HMGN2: variants seen among roughly 807,000 people sequenced by gnomAD.
The protein encoded by HMGN2 is non-histone chromosomal protein HMG-17.
A neutral mutation model predicts 16.9 loss-of-function variants in HMGN2; 2 were observed. The observed-to-expected ratio is 0.12, with a 90% CI of 0.05 to 0.37. HMGN2 has a LOEUF of 0.37. Among genes scored for constraint, HMGN2 ranks in the 10% least tolerant of loss-of-function variants. HMGN2 has a pLI of 1.00. For synonymous variants in HMGN2, 31 were observed against 34.9 expected (o/e 0.89, Z 0.39); for missense variants, 90 against 106.0 (o/e 0.85, Z 0.66).
chr1:26,474,166 C>T (rs747311352), intron 4 of HMGN2, 31 bp downstream of exon 4: 3 of 1,533,822 alleles, frequency 2.0e-6, no homozygotes, highest in Non-Finnish European at 1.8e-6. Context: ...TGATCATTTT[C>T]ACAGAATGAG....
chr1:26,474,812 G>A (rs1392656323), intron 5 of HMGN2, 145 bp downstream of exon 5: 1 of 634,472 alleles, frequency 1.6e-6, no homozygotes, highest in Non-Finnish European at 2.8e-6. Context: ...TTAAATCCTG[G>A]ATTCTTGAAA....
At chr1:26,473,651 T>A (rs1570378457) in intron 2 of HMGN2, 52 bp from the exon 3 acceptor site, 1 of 1,604,704 alleles carries the variant, frequency 6.2e-7, no homozygotes, top group Non-Finnish European at 8.5e-7. Context: ...GATACCAAAC[T>A]TTCAAAGCGA....
In HMGN2 at chr1:26,475,473, AAAAC is replaced by A; in HGVS notation, c.*329_*332del. 2 of 278,850 alleles carry A rather than the reference AAAAC, an allele frequency of 7.2e-6. No individual in the cohort carries two copies. Among genetic ancestry groups the A allele is most frequent in the South Asian group, 9.1e-5 (2 of 21,870 alleles). The allele number at this position is 278,850 out of a possible 1,614,324, so 17.3% of individuals were successfully genotyped here. ...TGGCACAAAAGCCTTGTGGTATAGA[AAAAC>A]AAATTTGTTTTTATGTCCTCTTCTC... On this transcript the variant is annotated 3_prime_UTR_variant, in exon 6 of 6. Transcript: ENST00000361427.
Position 26,473,538 on chromosome 1 carries a change from C to T in HMGN2, c.60+11C>T, listed in dbSNP as rs376064868. 6.2e-6 allele frequency: 10 copies of T among 1,609,084 alleles called. No homozygotes were observed. The highest frequency in any genetic ancestry group is 8.5e-6 in the Non-Finnish European group (10 of 1,175,524). On this transcript the variant is annotated intron_variant, in intron 2 of 5. Coordinates refer to ENST00000361427, the MANE Select transcript of HMGN2 (RefSeq NM_005517.4). Reference sequence around the variant, plus strand: ...AAGGTGAAGGACGAAGTAAGTCATTCTCTCTTCAAGGGTCAAAGCCTTGGA... The same window carrying T: ...AAGGTGAAGGACGAAGTAAGTCATTTTCTCTTCAAGGGTCAAAGCCTTGGA...
Position 26,473,749 on chromosome 1 carries a change from G to T in HMGN2, c.90+17G>T. ...TTGTCTGCTGTAAGTGTATGCTTTT[G>T]AATTTTCGTGCTTGTCCCTGAAACT... On this transcript the variant is annotated intron_variant, in intron 3 of 5. Transcript: ENST00000361427. 6.2e-7 allele frequency: 1 copy of T among 1,612,792 alleles called. No homozygotes were observed. Among genetic ancestry groups the T allele is most frequent in the Non-Finnish European group, 8.5e-7 (1 of 1,179,030 alleles).
chr1:26,475,556 G>A lies in HMGN2; in HGVS notation c.*408G>A, dbSNP rs1297021040. 7 of 304,506 alleles carry A rather than the reference G, an allele frequency of 2.3e-5. No individual in the cohort carries two copies. The highest frequency in any genetic ancestry group is 1.9e-4 in the South Asian group (7 of 36,972). The allele number at this position is 304,506 out of a possible 1,614,324, so 18.9% of individuals were successfully genotyped here. A position where few individuals can be genotyped will look rare whatever the true frequency, so the allele number is the denominator to read the frequency against. On this transcript the variant is annotated 3_prime_UTR_variant, in exon 6 of 6. Transcript: ENST00000361427. ...TCCCTTAAGCCCAGACATCTGTTGA[G>A]ACCTGACCCCTAGTCATTGGTTACC...
At position 26,476,440 on chromosome 1, in the gene HMGN2, G is replaced by A. The variant is rs1369983013; in HGVS notation, c.*1292G>A. 6.6e-6 allele frequency among the ~76,000 whole-genome samples: 1 copy of A among 152,170 alleles called. No individual in the cohort carries two copies. Among genetic ancestry groups the A allele is most frequent in the Non-Finnish European group, 1.5e-5 (1 of 68,030 alleles). On this transcript the variant is annotated 3_prime_UTR_variant, in exon 6 of 6. Coordinates refer to ENST00000361427, the MANE Select transcript of HMGN2 (RefSeq NM_005517.4). Reference sequence around the variant, plus strand: ...AAGGTAGATGACACTTTGCTCCTAAGTAGACCTGCAAACAAAGACAATGGG... The same window carrying A: ...AAGGTAGATGACACTTTGCTCCTAAATAGACCTGCAAACAAAGACAATGGG...
chr1:26,476,002 G>T lies in HMGN2; in HGVS notation c.*854G>T. 2 of 293,268 alleles carry T rather than the reference G, an allele frequency of 6.8e-6. No individual in the cohort carries two copies. The highest frequency in any genetic ancestry group is 5.9e-5 in the South Asian group (2 of 33,776). 18.2% of individuals were successfully genotyped at this position (293,268 alleles called of 1,614,324 possible). ...GCCTCTGATCTTTTCCCACAAGTGG[G>T]GTAACCTGGTTTATCCAAGTCTCTT... On this transcript the variant is annotated 3_prime_UTR_variant, in exon 6 of 6. Coordinates refer to ENST00000361427, the MANE Select transcript of HMGN2 (RefSeq NM_005517.4).
rs373314466 is a variant in HMGN2, at chr1:26,475,494, C to T, written c.*346C>T. 1.7e-3 allele frequency: 434 copies of T among 248,098 alleles called. 1 individual carries two copies. The highest frequency in any genetic ancestry group is 9.1e-3 in the African/African-American group (395 of 43,582). 15.4% of individuals were successfully genotyped at this position (248,098 alleles called of 1,614,324 possible). Reference sequence around the variant, plus strand: ...TAGAAAAACAAATTTGTTTTTATGTCCTCTTCTCCCTTTCCATCGTTCAGC... The same window carrying T: ...TAGAAAAACAAATTTGTTTTTATGTTCTCTTCTCCCTTTCCATCGTTCAGC... On this transcript the variant is annotated 3_prime_UTR_variant, in exon 6 of 6. Transcript: ENST00000361427.
At position 26,473,062 on chromosome 1, in the gene HMGN2, G is replaced by A. The variant is rs1242707998; in HGVS notation, c.16-421G>A. 3.7e-5 allele frequency: 9 copies of A among 243,696 alleles called. No homozygotes were observed. The East Asian group carries it at 8.6e-4, about 23-fold the overall frequency. The allele number at this position is 243,696 out of a possible 1,614,324, so 15.1% of individuals were successfully genotyped here. On this transcript the variant is annotated intron_variant, in intron 1 of 5. Transcript: ENST00000361427. ...GTGAGGGGCGGGGCTTGTGCGGTAT[G>A]GCCCCGCCCCCTCGCCCACGTTCCC...
At chr1:26,472,692 G>C (rs987515730) in intron 1 of HMGN2, 65 bp downstream of exon 1, 10 of 1,419,464 alleles carry the variant, frequency 7.0e-6, no homozygotes, top group Middle Eastern at 2.4e-4. Context: ...CCGCCTCCCT[G>C]GTGCAGGGAG....
intron 1 of HMGN2, among the ~76,000 whole-genome samples, 165 bp downstream of exon 1, chr1:26,472,792 C>T (rs888146498): frequency 6.6e-6 from 1 of 151,466 alleles, no homozygotes; most frequent in Admixed American, 6.6e-5. Context: ...CCCTGAGCGG[C>T]TCGGCTGCCC....
chr1:26,475,086 T>C (rs746077206), intron 5 of HMGN2, 27 bp from the exon 6 acceptor site: 6 of 1,594,094 alleles, frequency 3.8e-6, no homozygotes, highest in Non-Finnish European at 5.2e-6. Flanking sequence ...ATCTACGCAT[T>C]GCATTAATTT....
rs2075610195 is a variant in HMGN2, at chr1:26,476,575, G to A, written c.*1427G>A. 1.3e-5 allele frequency among the ~76,000 whole-genome samples: 2 copies of A among 152,188 alleles called. No homozygotes were observed. The highest frequency in any genetic ancestry group is 2.9e-5 in the Non-Finnish European group (2 of 68,022). ...TGGAACTGGTAACAAATTCATGTTT[G>A]CACCTTGAATTTGCTTTCACAGACC... On this transcript the variant is annotated 3_prime_UTR_variant, in exon 6 of 6. Coordinates refer to ENST00000361427, the MANE Select transcript of HMGN2 (RefSeq NM_005517.4).
chr1:26,475,445 C>T lies in HMGN2; in HGVS notation c.*297C>T, dbSNP rs796524834. Reference sequence around the variant, plus strand: ...TCCCTGACTTTGACACACATGGCCACCTTGGCACAAAAGCCTTGTGGTATA... The same window carrying T: ...TCCCTGACTTTGACACACATGGCCATCTTGGCACAAAAGCCTTGTGGTATA... On this transcript the variant is annotated 3_prime_UTR_variant, in exon 6 of 6. Transcript: ENST00000361427. 1.2e-5 allele frequency: 4 copies of T among 329,486 alleles called. No individual in the cohort carries two copies. Among genetic ancestry groups the T allele is most frequent in the African/African-American group, 6.5e-5 (3 of 46,332 alleles). The allele number at this position is 329,486 out of a possible 1,614,324, so 20.4% of individuals were successfully genotyped here.
chr1:26,473,321 C>T, intron 1 of HMGN2, 162 bp from the exon 2 acceptor site: 3 of 598,920 alleles, frequency 5.0e-6, no homozygotes, highest in Non-Finnish European at 8.8e-6. Context: ...GCCGGAGCTC[C>T]TGCGCGCGCT....
At chr1:26,472,730 C>A in intron 1 of HMGN2, 103 bp downstream of exon 1, 2 of 1,049,846 alleles carry the variant, frequency 1.9e-6, no homozygotes, top group South Asian at 1.6e-5. Context: ...CAGGAGCCAG[C>A]GCAGCCTCCC....
intron 4 of HMGN2, 79 bp downstream of exon 4, chr1:26,474,214 T>A: frequency 6.8e-6 from 7 of 1,024,940 alleles, no homozygotes; most frequent in Non-Finnish European, 1.0e-5. Flanking sequence ...AGCATAATGG[T>A]GCCTCCATTA....
chr1:26,473,560 T>TA (rs1156881177), intron 2 of HMGN2, 33 bp downstream of exon 2: 6 of 1,596,306 alleles, frequency 3.8e-6, no homozygotes, highest in East Asian at 4.5e-5. Context: ...GTCAAAGCCT[T>TA]GGACTAGCAG....
Sources: allele counts gnomAD v4.1 joint callset (sites outside exome capture counted in the v4.1 genomes callset), GRCh38; gene constraint gnomAD v4.1.1; transcripts MANE v1.5; gene names NCBI Gene and HGNC (gene_info 2026-07-23, HGNC 2026-07-21).